The following CHST15 variants were observed in gnomAD, a reference collection of about 807,000 sequenced individuals.
CHST15 encodes carbohydrate sulfotransferase 15, also known as B cell RAG associated protein (GALNAC4S-6ST).
A neutral mutation model predicts 53.6 loss-of-function variants in CHST15; 30 were observed. That is an observed-to-expected ratio of 0.56 (90% CI 0.42 to 0.76). CHST15 has a LOEUF of 0.76. Ranked by LOEUF, CHST15 falls within the 30% of genes least tolerant of loss-of-function variation. The pLI is 0.00. For synonymous variants in CHST15, 296 were observed against 289.8 expected (o/e 1.02, Z -0.22); for missense variants, 627 against 740.5 (o/e 0.85, Z 1.78).
chr10:124,072,755 G>T (rs1374932456), intron 1 of CHST15, among the ~76,000 whole-genome samples: 2 of 152,152 alleles, frequency 1.3e-5, no homozygotes, highest in Non-Finnish European at 2.9e-5. Flanking sequence ...AACCCCATCC[G>T]CAAGTTCAGA....
chr10:124,033,133 T>C (rs1434346061), intron 5 of CHST15, among the ~76,000 whole-genome samples: 1 of 152,226 alleles, frequency 6.6e-6, no homozygotes, highest in Non-Finnish European at 1.5e-5. Flanking sequence ...TGTTTGTTTC[T>C]TCAAGAGTGA....
chr10:124,058,408 C>T (rs559759659), intron 1 of CHST15, among the ~76,000 whole-genome samples: 5 of 152,330 alleles, frequency 3.3e-5, no homozygotes, highest in Admixed American at 2.0e-4. Flanking sequence ...TGAGATTCCC[C>T]GAGTCATGTA....
intron 5 of CHST15, among the ~76,000 whole-genome samples, chr10:124,022,486 C>T (rs1271079226): frequency 1.3e-5 from 2 of 152,244 alleles, no homozygotes; most frequent in Non-Finnish European, 2.9e-5. Context: ...GGAGCACCTT[C>T]GTATTACAGG....
intron 1 of CHST15, among the ~76,000 whole-genome samples, chr10:124,079,879 G>T (rs1468784783): frequency 6.6e-6 from 1 of 152,206 alleles, no homozygotes; most frequent in Non-Finnish European, 1.5e-5. Flanking sequence ...AGGCTGCATG[G>T]AACTGTCACC....
At chr10:124,051,753 C>G (rs971384742) in intron 1 of CHST15, among the ~76,000 whole-genome samples, 1 of 152,136 alleles carries the variant, frequency 6.6e-6, no homozygotes, top group Admixed American at 6.5e-5. Context: ...TTGGACACCC[C>G]CTATTAACCT....
intron 1 of CHST15, among the ~76,000 whole-genome samples, chr10:124,051,845 T>G (rs1948211311): frequency 6.6e-6 from 1 of 152,200 alleles, no homozygotes; most frequent in Non-Finnish European, 1.5e-5. Context: ...GATTAAGTAA[T>G]TGAATGCCCC....
intron 5 of CHST15, among the ~76,000 whole-genome samples, chr10:124,035,490 CT>C (rs1340568729): frequency 1.3e-5 from 2 of 151,312 alleles, no homozygotes; most frequent in African/African-American, 4.9e-5. Context: ...GGCTCTACCC[CT>C]GATAGGTACC....
chr10:124,057,475 C>T (rs889284523), intron 1 of CHST15, among the ~76,000 whole-genome samples: 4 of 152,126 alleles, frequency 2.6e-5, no homozygotes, highest in African/African-American at 7.2e-5. Flanking sequence ...AGACAAAGAC[C>T]GCAGCGTGTC....
In CHST15 at chr10:124,077,336, AT is replaced by A. The variant is rs143324290; in HGVS notation, c.-513+16132del. 7.7e-4 allele frequency among the ~76,000 whole-genome samples: 117 copies of A among 152,302 alleles called. No individual in the cohort carries two copies. The East Asian group carries it at 0.017, about 22-fold the overall frequency. ...CATGAGCCTGTTTATCATAAGTCTG[AT>A]CTCGAACAGCATCTTCTCTAATGCA... is the stretch of plus-strand genomic sequence containing the variant. On this transcript the variant is annotated intron_variant, in intron 1 of 7. Coordinates refer to ENST00000435907, the MANE Select transcript of CHST15 (RefSeq NM_001270764.2).
intron 7 of CHST15, chr10:124,011,692 G>C (rs1946421242): frequency 1.0e-6 from 1 of 985,344 alleles, no homozygotes; most frequent in South Asian, 4.7e-5. Flanking sequence ...TCACCACAAA[G>C]TGACTCTCAG....
At chr10:124,022,241 T>C (rs944281597) in intron 5 of CHST15, among the ~76,000 whole-genome samples, 2 of 152,204 alleles carry the variant, frequency 1.3e-5, no homozygotes, top group Non-Finnish European at 2.9e-5. Flanking sequence ...GCTTCTGCAA[T>C]AGGCCCCCAC....
intron 1 of CHST15, among the ~76,000 whole-genome samples, chr10:124,090,117 G>A (rs1949562258): frequency 6.6e-6 from 1 of 152,168 alleles, no homozygotes; most frequent in Non-Finnish European, 1.5e-5. Flanking sequence ...CTCTGATGCA[G>A]TGACACCCTT....
chr10:124,067,857 C>G (rs117420611), intron 1 of CHST15, among the ~76,000 whole-genome samples: 1 of 152,120 alleles, frequency 6.6e-6, no homozygotes, highest in African/African-American at 2.4e-5. Context: ...TCTCGTGATC[C>G]GCTGGCCTCG....
At chr10:124,053,686 G>A (rs1011118454) in intron 1 of CHST15, among the ~76,000 whole-genome samples, 2 of 152,014 alleles carry the variant, frequency 1.3e-5, no homozygotes, top group African/African-American at 4.8e-5. Flanking sequence ...CCAGCACTAG[G>A]CAGGCGGATG....
intron 1 of CHST15, among the ~76,000 whole-genome samples, chr10:124,055,175 G>C (rs1948335280): frequency 6.6e-6 from 1 of 152,302 alleles, no homozygotes. Context: ...GAAATGGATT[G>C]TTCTTTGTCT....
At chr10:124,086,655 TTCCTCCTCCTCC>T (rs142757457) in intron 1 of CHST15, among the ~76,000 whole-genome samples, 5 of 149,360 alleles carry the variant, frequency 3.3e-5, no homozygotes, top group South Asian at 2.1e-4. Context: ...TCCACCTGCC[TTCCTCCTCCTCC>T]TCCTCCTCCT....
rs58739908 is a variant in CHST15, at chr10:124,066,460, G to GAA, written c.-512-19738_-512-19737dup. Among the ~76,000 whole-genome samples, 862 of 145,870 alleles carry GAA rather than the reference G, an allele frequency of 5.9e-3. 16 individuals are homozygous for GAA. The highest frequency in any genetic ancestry group is 0.024 in the Admixed American group (350 of 14,678). ...CTCTTATGTAACTGGCTGGGGGAAA[G>GAA]AAAAAAAAAAACGAGTTTACACGGT... On this transcript the variant is annotated intron_variant, in intron 1 of 7. Coordinates refer to ENST00000435907, the MANE Select transcript of CHST15 (RefSeq NM_001270764.2).
At chr10:124,061,673 A>C (rs919705064) in intron 1 of CHST15, among the ~76,000 whole-genome samples, 1 of 151,874 alleles carries the variant, frequency 6.6e-6, no homozygotes, top group Non-Finnish European at 1.5e-5. Context: ...AAAGATAATA[A>C]AGAAAAAATA....
At chr10:124,075,830 G>T (rs989016789) in intron 1 of CHST15, among the ~76,000 whole-genome samples, 2 of 152,168 alleles carry the variant, frequency 1.3e-5, no homozygotes, top group African/African-American at 4.8e-5. Context: ...CAAAGAGTCA[G>T]CACAAAGGAG....
Sources: gnomAD v4.1 joint callset for allele counts (sites outside exome capture counted in the v4.1 genomes callset) on GRCh38, gnomAD v4.1.1 for gene constraint, MANE v1.5 for transcripts, NCBI Gene and HGNC (gene_info 2026-07-23, HGNC 2026-07-21) for gene names.